CDC123: variants seen among roughly 807,000 people sequenced by gnomAD.
The protein encoded by CDC123 is translation initiation factor eIF2 assembly protein.
A neutral mutation model predicts 54.4 loss-of-function variants in CDC123; 37 were observed. The observed-to-expected ratio is 0.68, with a 90% CI of 0.52 to 0.89. The LOEUF is 0.89. Among genes scored for constraint, CDC123 ranks in the 40% least tolerant of loss-of-function variants. CDC123 has a pLI of 0.00. For missense variants in CDC123, 361 were observed against 412.1 expected (o/e 0.88, Z 1.07); for synonymous variants, 144 against 136.8 (o/e 1.05, Z -0.37).
intron 8 of CDC123, among the ~76,000 whole-genome samples, chr10:12,236,934 T>C (rs951769730): frequency 6.6e-6 from 1 of 152,022 alleles, no homozygotes; most frequent in African/African-American, 2.4e-5. Flanking sequence ...AAGTAAATTC[T>C]TCCAGAAGTA....
At chr10:12,229,827 A>G (rs549218885) in intron 6 of CDC123, among the ~76,000 whole-genome samples, 2 of 152,306 alleles carry the variant, frequency 1.3e-5, no homozygotes, top group South Asian at 4.1e-4. Flanking sequence ...GGCTGAATGG[A>G]TCTATCTGAG....
chr10:12,244,310 C>T (rs1207248047), intron 10 of CDC123, among the ~76,000 whole-genome samples: 3 of 152,238 alleles, frequency 2.0e-5, no homozygotes, highest in African/African-American at 7.2e-5. Context: ...CATTATTAAC[C>T]AGATGGCACA....
intron 2 of CDC123, among the ~76,000 whole-genome samples, chr10:12,208,051 C>T (rs116915631): frequency 0.035 from 5,321 of 152,178 alleles, 121 homozygotes; most frequent in Non-Finnish European, 0.036. Context: ...TTTTGTTGCC[C>T]TCTTTCTTCT....
intron 5 of CDC123, among the ~76,000 whole-genome samples, chr10:12,217,068 A>G (rs958030278): frequency 2.6e-5 from 4 of 152,122 alleles, no homozygotes; most frequent in African/African-American, 9.7e-5. Flanking sequence ...TGTTTCTGAT[A>G]CCTCATTTTC....
Position 12,237,137 on chromosome 10 carries a change from T to C in CDC123, c.566-7T>C. The stretch of plus-strand genomic sequence containing the variant: ...TAATAACAGGATGTAAAATATTTTC[T>C]TGTCAGGTATTTCTCAAAGAGACTA... On this transcript the variant is annotated splice_region_variant and splice_polypyrimidine_tract_variant and intron_variant, in intron 8 of 12. Transcript: ENST00000281141. The C allele has an allele frequency of 6.6e-7, 1 of 1,522,704 alleles. No individual in the cohort carries two copies. The highest frequency in any genetic ancestry group is 1.3e-5 in the South Asian group (1 of 75,728). 94.3% of individuals were successfully genotyped at this position (1,522,704 alleles called of 1,614,324 possible).
chr10:12,235,518 TTTA>T (rs1266436189), intron 8 of CDC123, among the ~76,000 whole-genome samples: 2 of 152,228 alleles, frequency 1.3e-5, no homozygotes, highest in Non-Finnish European at 2.9e-5. Context: ...TGGGGCACTG[TTTA>T]TTATTCTAGC....
intron 7 of CDC123, among the ~76,000 whole-genome samples, chr10:12,231,595 A>T (rs967842415): frequency 7.5e-5 from 11 of 147,492 alleles, no homozygotes; most frequent in African/African-American, 2.2e-4. Context: ...ATTGCACTCC[A>T]GCCTGGGCCA....
At chr10:12,227,039 C>T (rs1382651406) in intron 6 of CDC123, among the ~76,000 whole-genome samples, 3 of 152,158 alleles carry the variant, frequency 2.0e-5, no homozygotes, top group Admixed American at 6.5e-5. Context: ...AGATCACTCG[C>T]GGTTAGGAGC....
chr10:12,246,420 TG>T, intron 11 of CDC123, 143 bp downstream of exon 11: 1 of 839,716 alleles, frequency 1.2e-6, no homozygotes, highest in Non-Finnish European at 1.8e-6. Flanking sequence ...ATAGCTAACC[TG>T]CCCATGGTGG....
At chr10:12,210,920 C>T (rs1835589356) in intron 4 of CDC123, among the ~76,000 whole-genome samples, 3 of 152,018 alleles carry the variant, frequency 2.0e-5, no homozygotes, top group African/African-American at 7.3e-5. Context: ...ATGGTAGTCT[C>T]GAACTCCTGA....
intron 6 of CDC123, among the ~76,000 whole-genome samples, chr10:12,218,408 T>G (rs945391110): frequency 2.6e-5 from 4 of 151,812 alleles, no homozygotes; most frequent in South Asian, 2.1e-4. Flanking sequence ...CCCGGCTAAT[T>G]TTTTATATTT....
intron 6 of CDC123, among the ~76,000 whole-genome samples, chr10:12,228,455 G>A (rs1197578592): frequency 6.6e-6 from 1 of 151,296 alleles, no homozygotes; most frequent in African/African-American, 2.4e-5. Flanking sequence ...ACCCAGGCTG[G>A]AGTGCAGTGG....
intron 4 of CDC123, among the ~76,000 whole-genome samples, chr10:12,211,413 T>C (rs1212265250): frequency 6.6e-6 from 1 of 152,026 alleles, no homozygotes; most frequent in Non-Finnish European, 1.5e-5. Context: ...AAAAAAGAAG[T>C]GGAGCTGCTC....
intron 6 of CDC123, among the ~76,000 whole-genome samples, chr10:12,218,635 C>T (rs955233865): frequency 2.0e-5 from 3 of 152,196 alleles, no homozygotes; most frequent in South Asian, 4.1e-4. Flanking sequence ...AGTGCTGCGC[C>T]TCTGGAGAGC....
intron 8 of CDC123, among the ~76,000 whole-genome samples, chr10:12,236,888 C>T (rs566602234): frequency 2.3e-5 from 2 of 85,934 alleles, no homozygotes; most frequent in African/African-American, 9.5e-5. Context: ...GAGACTCCGT[C>T]TCAAAACAAA....
intron 10 of CDC123, among the ~76,000 whole-genome samples, chr10:12,239,578 G>A (rs906572851): frequency 6.6e-6 from 1 of 151,972 alleles, no homozygotes; most frequent in African/African-American, 2.4e-5. Context: ...CGGGCATGGT[G>A]GCGCATGCCA....
intron 2 of CDC123, among the ~76,000 whole-genome samples, chr10:12,206,740 C>T (rs189719156): frequency 1.3e-5 from 2 of 152,210 alleles, no homozygotes; most frequent in South Asian, 2.1e-4. Flanking sequence ...GGGCGGATCA[C>T]AAGGTCAGGA....
intron 6 of CDC123, among the ~76,000 whole-genome samples, chr10:12,219,572 T>C (rs910180367): frequency 3.3e-5 from 5 of 152,172 alleles, no homozygotes; most frequent in African/African-American, 9.7e-5. Context: ...CTCTGAAAAA[T>C]AGAACAAAGT....
At position 12,246,154 on chromosome 10, in the gene CDC123, G is replaced by A; in HGVS notation, c.723G>A (p.Lys241=). The change falls in exon 11 of 13, where the codon AAG becomes AAA. Residue 241 remains lysine, a synonymous_variant. Transcript: ENST00000281141. ...TTTCTCTCTCTGTGCTACAGGGGAA[G>A]GTGTGGCTCATTGACTTTAATCCAT... ...VFDIYRDSRG[K]VWLIDFNPFG... The A allele has an allele frequency of 1.2e-6, 2 of 1,613,902 alleles. No individual in the cohort carries two copies. The highest frequency in any genetic ancestry group is 1.7e-6 in the Non-Finnish European group (2 of 1,179,856).
Sources: gnomAD v4.1 joint callset for allele counts (sites outside exome capture counted in the v4.1 genomes callset) on GRCh38, gnomAD v4.1.1 for gene constraint, MANE v1.5 for transcripts, NCBI Gene and HGNC (gene_info 2026-07-23, HGNC 2026-07-21) for gene names.